The following RDH13 variants were observed in gnomAD, a reference collection of about 807,000 sequenced individuals.
RDH13 encodes the protein retinol dehydrogenase 13 (all-trans and 9-cis).
In RDH13, 35 loss-of-function variants were observed where a neutral mutation model predicts 28.3. The ratio of observed to expected loss-of-function variants is 1.24; its 90% CI spans 0.95 to 1.64. The LOEUF is 1.64. Among genes scored for constraint, RDH13 ranks in the 40% most tolerant of loss-of-function variants. The pLI is 0.00. For synonymous variants in RDH13, 229 were observed against 198.5 expected (o/e 1.15, Z -1.29); for missense variants, 514 against 446.3 (o/e 1.15, Z -1.37).
intron 6 of RDH13, 39 bp from the exon 7 acceptor site, chr19:55,045,348 CAG>C: frequency 1.3e-6 from 2 of 1,524,596 alleles, no homozygotes; most frequent in Non-Finnish European, 1.8e-6. Context: ...CACACTCGCT[CAG>C]AGAGAAGGAA....
Position 55,059,263 on chromosome 19 carries a change from G to T in RDH13, c.78C>A (p.Thr26=). ...GAAVLLKDYV[T]GGACPSKATI... is the part of the protein sequence containing the mutation. ...TGGCCTTGCTGGGGCAAGCCCCACC[G>T]GTGACATAGTCCCTGAGGGTGAGAA... The change falls in exon 2 of 7, where the codon ACC becomes ACA. Residue 26 remains threonine, a synonymous_variant. Coordinates refer to ENST00000415061, the MANE Select transcript of RDH13 (RefSeq NM_001145971.2). 1 of 1,597,292 alleles carries T rather than the reference G, an allele frequency of 6.3e-7. No individual in the cohort carries two copies. Among genetic ancestry groups the T allele is most frequent in the African/African-American group, 1.3e-5 (1 of 74,686 alleles).
At chr19:55,061,697 T>A (rs2075811551) in intron 1 of RDH13, among the ~76,000 whole-genome samples, 1 of 150,068 alleles carries the variant, frequency 6.7e-6, no homozygotes, top group African/African-American at 2.5e-5. Context: ...GAGGCTGAAG[T>A]GGGAGGACCA....
At chr19:55,055,577 C>T (rs112809719) in intron 3 of RDH13, among the ~76,000 whole-genome samples, 74 of 152,114 alleles carry the variant, frequency 4.9e-4, no homozygotes, top group African/African-American at 1.4e-3. Flanking sequence ...CGGTGGCTCA[C>T]GCCTGTAATC....
At chr19:55,062,204 C>T (rs574961642) in intron 1 of RDH13, among the ~76,000 whole-genome samples, 13 of 142,414 alleles carry the variant, frequency 9.1e-5, no homozygotes, top group Non-Finnish European at 1.4e-4. Context: ...AGGATTAGGA[C>T]GTGGACCCCT....
intron 3 of RDH13, among the ~76,000 whole-genome samples, chr19:55,052,400 C>G (rs1188453374): frequency 6.6e-6 from 1 of 151,558 alleles, no homozygotes; most frequent in African/African-American, 2.4e-5. Context: ...CAAAATTAGC[C>G]GGGCGTGGTG....
intron 3 of RDH13, chr19:55,054,078 G>A (rs995454689): frequency 1.3e-5 from 2 of 152,150 alleles, no homozygotes; most frequent in Non-Finnish European, 2.9e-5. Context: ...ATGAACCAAC[G>A]AATGTGCACC....
At position 55,048,522 on chromosome 19, in the gene RDH13, G is replaced by C. The variant is rs762931446; in HGVS notation, c.465C>G (p.Asn155Lys). Reference protein sequence around the residue: ...VNHLGHFLLTNLLLDKLKASA... With the variant: ...VNHLGHFLLTKLLLDKLKASA... ...AGGCTTTCAGCTTGTCCAGCAGCAA[G>C]TTTGTCAAGAGAAAGTGACCTGGAT... Residue 155 changes from asparagine to lysine, a missense_variant, in exon 5 of 7, where the codon AAC becomes AAG. Transcript: ENST00000415061. The C allele has an allele frequency of 6.2e-7, 1 of 1,614,186 alleles. No individual in the cohort carries two copies. The highest frequency in any genetic ancestry group is 1.7e-5 in the Admixed American group (1 of 60,020).
chr19:55,062,501 G>A (rs916370230), intron 1 of RDH13, among the ~76,000 whole-genome samples: 5 of 152,120 alleles, frequency 3.3e-5, no homozygotes, highest in Admixed American at 6.5e-5. Flanking sequence ...GGCCAACATG[G>A]CAAAACCCCG....
At chr19:55,052,931 G>A (rs2075501962) in intron 3 of RDH13, among the ~76,000 whole-genome samples, 1 of 147,658 alleles carries the variant, frequency 6.8e-6, no homozygotes, top group Non-Finnish European at 1.5e-5. Flanking sequence ...CAAAGTGCTG[G>A]GATTACAGGC....
chr19:55,063,310 G>GGGGC (rs2075872267), upstream of RDH13: 1 of 379,570 alleles, frequency 2.6e-6, no homozygotes, highest in Non-Finnish European at 4.7e-6. Context: ...GTCCGGGGGC[G>GGGGC]GGGCCTATGG....
chr19:55,066,832 T>C (rs1264058039), upstream of RDH13, among the ~76,000 whole-genome samples: 1 of 151,890 alleles, frequency 6.6e-6, no homozygotes, highest in Admixed American at 6.6e-5. Flanking sequence ...CCTGTGGCTG[T>C]GTAGAGATAA....
Position 55,059,424 on chromosome 19 carries a change from G to C in RDH13, c.66-149C>G, listed in dbSNP as rs970645047. The C allele has an allele frequency of 1.4e-4, 83 of 610,618 alleles. 1 individual carries two copies. Among genetic ancestry groups the C allele is most frequent in the African/African-American group, 1.3e-3 (73 of 54,444 alleles). The allele number at this position is 610,618 out of a possible 1,614,324, so 37.8% of individuals were successfully genotyped here. On this transcript the variant is annotated intron_variant, in intron 1 of 6. Transcript: ENST00000415061. ...CATCACATCACACCAAGGGACCTCT[G>C]TCATGTTCTCCATAAGTGGCTCCAC...
Position 55,045,011 on chromosome 19 carries a change from G to T in RDH13, c.*63C>A. On this transcript the variant is annotated 3_prime_UTR_variant, in exon 7 of 7. Transcript: ENST00000415061. ...CTCAGGTAGTGCCAGGAAGCTGCGG[G>T]CATGGCGGACAGCTGTCCTCGGTCT... 8.0e-7 allele frequency: 1 copy of T among 1,244,180 alleles called. No homozygotes were observed. The highest frequency in any genetic ancestry group is 1.1e-6 in the Non-Finnish European group (1 of 884,360). 77.1% of individuals were successfully genotyped at this position (1,244,180 alleles called of 1,614,324 possible). A position where few individuals can be genotyped will look rare whatever the true frequency, so the allele number is the denominator to read the frequency against.
At position 55,048,069 on chromosome 19, in the gene RDH13, T is replaced by A. The variant is rs910518637; in HGVS notation, c.658+260A>T. 2.4e-4 allele frequency: 352 copies of A among 1,485,674 alleles called. 1 individual carries two copies. The highest frequency in any genetic ancestry group is 3.0e-4 in the Non-Finnish European group (336 of 1,117,936). 92.0% of individuals were successfully genotyped at this position (1,485,674 alleles called of 1,614,324 possible). ...ACTGGCTGGAGCCAAAAGGCTGAGC[T>A]GCCTGCCCAACAGCAGCAGGGAAGG... is the stretch of plus-strand genomic sequence containing the variant. On this transcript the variant is annotated intron_variant, in intron 5 of 6. Coordinates refer to ENST00000415061, the MANE Select transcript of RDH13 (RefSeq NM_001145971.2).
At chr19:55,060,332 T>G (rs551964348) in intron 1 of RDH13, among the ~76,000 whole-genome samples, 1 of 152,272 alleles carries the variant, frequency 6.6e-6, no homozygotes, top group Admixed American at 6.5e-5. Context: ...TATTCTTTAC[T>G]CCGCTGAGAT....
intron 3 of RDH13, among the ~76,000 whole-genome samples, chr19:55,051,862 A>T (rs1888029569): frequency 6.6e-6 from 1 of 151,684 alleles, no homozygotes; most frequent in Admixed American, 6.6e-5. Context: ...CCTTCCACAT[A>T]GCTGAACCAC....
At chr19:55,066,694 CT>C (rs1345643172), upstream of RDH13, among the ~76,000 whole-genome samples, 60 of 150,588 alleles carry the variant, frequency 4.0e-4, no homozygotes, top group African/African-American at 1.3e-3. Context: ...CCTCTCTCTC[CT>C]TCTTTCTTCC....
Position 55,056,687 on chromosome 19 carries a change from C to G in RDH13, c.306G>C (p.Lys102Asn). 1 of 1,614,036 alleles carries G rather than the reference C, an allele frequency of 6.2e-7. No individual in the cohort carries two copies. The highest frequency in any genetic ancestry group is 8.5e-7 in the Non-Finnish European group (1 of 1,180,002). The change falls in exon 3 of 7, where the codon AAG becomes AAC. Residue 102 changes from lysine to asparagine, a missense_variant. Lys to Asn is a moderately conservative substitution (Grantham distance 94). Transcript: ENST00000415061. ...TCTTTGCTGCAAACTCTCGGATAGA[C>G]TTGAGGGAAGCCAAGTCCAGGTGCC... ...NARHLDLASL[K>N]SIREFAAKII...
At chr19:55,068,069 T>G (rs2075991401), upstream of RDH13, among the ~76,000 whole-genome samples, 1 of 138,540 alleles carries the variant, frequency 7.2e-6, no homozygotes, top group African/African-American at 2.6e-5. Flanking sequence ...CCCCCATCTC[T>G]CTTTCTCTCC....
Sources: gnomAD v4.1 joint callset for allele counts (sites outside exome capture counted in the v4.1 genomes callset) on GRCh38, gnomAD v4.1.1 for gene constraint, MANE v1.5 for transcripts, NCBI Gene and HGNC (gene_info 2026-07-23, HGNC 2026-07-21) for gene names.